Variants in DPH7 observed in about 807,000 individuals in gnomAD.
DPH7 encodes diphthamide biosynthesis 7.
A neutral mutation model predicts 41.7 loss-of-function variants in DPH7; 44 were observed. The observed-to-expected ratio is 1.05, with a 90% CI of 0.83 to 1.36. The LOEUF is 1.36. Ranked by LOEUF, DPH7 falls within the 40% of genes most tolerant of loss-of-function variation. DPH7 has a pLI of 0.00. For missense variants in DPH7, 629 were observed against 577.5 expected (o/e 1.09, Z -0.91); for synonymous variants, 275 against 238.0 (o/e 1.16, Z -1.43).
At chr9:137,574,647 G>T (rs112888764) in intron 4 of DPH7, 105 bp downstream of exon 4, 1 of 1,110,540 alleles carries the variant, frequency 9.0e-7, no homozygotes, top group Non-Finnish European at 1.3e-6. Context: ...CAGGGCTGAG[G>T]AGCACAGTCG....
rs527309917 is a variant in DPH7 at position 137,568,747 on chromosome 9, T to C, written c.641-3593A>G. ...AGACGGACGGGAACAGAAAGAAGCCTGCAGGAACAGAAGGGAGGAAATGGA... is the reference window on the plus strand; with the variant it reads ...AGACGGACGGGAACAGAAAGAAGCCCGCAGGAACAGAAGGGAGGAAATGGA... On this transcript the variant is annotated intron_variant, in intron 5 of 8. Transcript: ENST00000277540. Among the ~76,000 whole-genome samples, 6 of 152,238 alleles carry C rather than the reference T, an allele frequency of 3.9e-5. No individual in the cohort carries two copies. The South Asian group carries it at 1.0e-3, about 26-fold the overall frequency.
Position 137,574,376 on chromosome 9 carries a change from C to T in DPH7, c.472G>A (p.Gly158Arg), listed in dbSNP as rs821314. 5.1e-3 allele frequency: 8,293 copies of T among 1,612,696 alleles called. 359 individuals are homozygous for T. The African/African-American group carries it at 0.095, about 18-fold the overall frequency. ...CTGATGATCTTCAAGGGCTGGTCCC[C>T]GGCCCTAGACACAGGGAACCCATGA... ...DWSTGKTGRA[G>R]DQPLKIISSD... Residue 158 changes from glycine to arginine, a missense_variant, in exon 5 of 9, where the codon GGG becomes AGG. By Grantham distance (125) the Gly-to-Arg change is moderately radical. Transcript: ENST00000277540.
chr9:137,574,921 G>A, intron 3 of DPH7, 78 bp from the exon 4 acceptor site: 1 of 1,591,468 alleles, frequency 6.3e-7, no homozygotes, highest in East Asian at 2.2e-5. Flanking sequence ...CTCCTGCAGG[G>A]AAGTCATCGT....
intron 3 of DPH7, chr9:137,575,639 T>C (rs1841253267): frequency 4.9e-6 from 5 of 1,012,210 alleles, no homozygotes; most frequent in South Asian, 4.1e-5. Context: ...AGCTATCAGA[T>C]GAAGTCACTT....
rs1212762973 is a variant in DPH7 at position 137,564,357 on chromosome 9, G to C, written c.949+77C>G. ...CAGAGCAAGGGAGCAGGGAGCTGAG[G>C]GAAGAGCCCAGCAGAGCGAGGGGGC... On this transcript the variant is annotated intron_variant, in intron 8 of 8. Transcript: ENST00000277540. 14 of 1,521,668 alleles carry C rather than the reference G, an allele frequency of 9.2e-6. No homozygotes were observed. In the Middle Eastern group the frequency reaches 7.1e-4, roughly 77 times the overall value. The allele number at this position is 1,521,668 out of a possible 1,614,324, so 94.3% of individuals were successfully genotyped here. A position where few individuals can be genotyped will look rare whatever the true frequency, so the allele number is the denominator to read the frequency against.
intron 8 of DPH7, among the ~76,000 whole-genome samples, chr9:137,562,317 CAG>C (rs1172539749): frequency 1.3e-5 from 2 of 152,192 alleles, no homozygotes; most frequent in African/African-American, 4.8e-5. Context: ...CACTCCCCAG[CAG>C]AGACCACACT....
chr9:137,578,704 T>C lies in DPH7; in HGVS notation c.74A>G (p.Gln25Arg), dbSNP rs1246935360. Residue 25 changes from glutamine to arginine, a missense_variant, in exon 1 of 9, where the codon CAA becomes CGA. Gln to Arg is a conservative substitution (Grantham distance 43, BLOSUM62 1). Coordinates refer to ENST00000277540, the MANE Select transcript of DPH7 (RefSeq NM_138778.5). ...GCACGCCAGCAGGTGCCTGCAGCCT[T>C]GCAGCGGGCACCACTCCACCGAGTC... ...TADSVEWCPL[Q>R]GCRHLLACGT... 1.6e-5 allele frequency: 25 copies of C among 1,532,322 alleles called. No individual in the cohort carries two copies. Among genetic ancestry groups the C allele is most frequent in the Non-Finnish European group, 2.0e-5 (23 of 1,140,758 alleles). The allele number at this position is 1,532,322 out of a possible 1,614,324, so 94.9% of individuals were successfully genotyped here.
chr9:137,559,552 C>G (rs747660395), intron 8 of DPH7, among the ~76,000 whole-genome samples: 5 of 152,238 alleles, frequency 3.3e-5, no homozygotes, highest in Non-Finnish European at 7.4e-5. Flanking sequence ...GGTCACGCTC[C>G]TTGTCCGCCT....
Position 137,564,917 on chromosome 9 carries a change from C to A in DPH7, c.752G>T (p.Arg251Leu). Reference sequence around the variant, plus strand: ...CCTTCCCGTGGCCAGGATGTGCTCCCGATGAGGGCTGCTCTGGATGCTGCA... The same window carrying A: ...CCTTCCCGTGGCCAGGATGTGCTCCAGATGAGGGCTGCTCTGGATGCTGCA... ...GVCSIQSSPH[R>L]EHILATGSYD... Residue 251 changes from arginine to leucine, a missense_variant, in exon 7 of 9, where the codon CGG (arginine) becomes CTG (leucine). Coordinates refer to ENST00000277540, the MANE Select transcript of DPH7 (RefSeq NM_138778.5). 1 of 1,596,668 alleles carries A rather than the reference C, an allele frequency of 6.3e-7. No individual in the cohort carries two copies. Among genetic ancestry groups the A allele is most frequent in the East Asian group, 2.3e-5 (1 of 43,880 alleles).
At chr9:137,557,828 CATAA>C (rs891219098) in intron 8 of DPH7, among the ~76,000 whole-genome samples, 6 of 147,976 alleles carry the variant, frequency 4.1e-5, no homozygotes, top group South Asian at 2.2e-4. Flanking sequence ...CAAAAAAATA[CATAA>C]ATAAAGTTAT....
At chr9:137,577,281 CG>C (rs1303397898) in intron 2 of DPH7, among the ~76,000 whole-genome samples, 188 bp downstream of exon 2, 1 of 152,128 alleles carries the variant, frequency 6.6e-6, no homozygotes, top group Non-Finnish European at 1.5e-5. Context: ...ATCACTTCCC[CG>C]GCTGGAACAT....
rs772885737 is a variant in DPH7 at position 137,555,575 on chromosome 9, G to A, written c.1023C>T (p.Ser341=). 2.5e-6 allele frequency: 4 copies of A among 1,613,786 alleles called. No individual in the cohort carries two copies. The highest frequency in any genetic ancestry group is 3.4e-6 in the Non-Finnish European group (4 of 1,179,940). Residue 341 remains serine, a synonymous_variant, in exon 9 of 9, where the codon TCC becomes TCT. Coordinates refer to ENST00000277540, the MANE Select transcript of DPH7 (RefSeq NM_138778.5). ...PDSLVYGADW[S]WLLFRSLQRA... ...GCTGCAGAGAACGGAAGAGCAGCCA[G>A]GACCAGTCGGCTCCATACACCAGCG...
chr9:137,577,053 CA>C (rs71493678), intron 2 of DPH7, among the ~76,000 whole-genome samples: 102 of 139,078 alleles, frequency 7.3e-4, no homozygotes, highest in Non-Finnish European at 6.1e-4. Context: ...AACCCTGCCT[CA>C]AAAAAAAAAA....
At chr9:137,575,750 G>A (rs936951389) in intron 3 of DPH7, 110 of 1,106,310 alleles carry the variant, frequency 9.9e-5, no homozygotes, top group Non-Finnish European at 1.2e-4. Flanking sequence ...TCTTCACACA[G>A]GATGCTCACT....
chr9:137,571,522 G>C (rs777242742), intron 5 of DPH7, among the ~76,000 whole-genome samples: 16 of 152,058 alleles, frequency 1.1e-4, no homozygotes, highest in Non-Finnish European at 2.1e-4. Flanking sequence ...GAGTGCAGTG[G>C]CTGACGCCTA....
At chr9:137,557,584 C>T (rs1007858971) in intron 8 of DPH7, among the ~76,000 whole-genome samples, 14 of 151,598 alleles carry the variant, frequency 9.2e-5, no homozygotes, top group African/African-American at 2.4e-4. Context: ...TTTGGGAGGC[C>T]GAGGCAGGTG....
rs1333960431 is a variant in DPH7, at chr9:137,555,350, G to A, written c.1248C>T (p.Thr416=). The A allele has an allele frequency of 1.2e-5, 19 of 1,614,084 alleles. No homozygotes were observed. The highest frequency in any genetic ancestry group is 1.6e-5 in the Non-Finnish European group (19 of 1,180,022). The change falls in exon 9 of 9, where the codon ACC becomes ACT. Residue 416 remains threonine, a synonymous_variant. Transcript: ENST00000277540. ...NGTWLQATAA[T]TRDCGVNPEE... The stretch of plus-strand genomic sequence containing the variant: ...CTGGGTTCACGCCACAGTCACGTGT[G>A]GTGGCTGCTGTAGCCTGCAGCCAGG...
rs1224131789 is a variant in DPH7 at position 137,574,278 on chromosome 9, T to C, written c.570A>G (p.Ser190=). Residue 190 remains serine, a synonymous_variant, in exon 5 of 9, where the codon TCA becomes TCG. Coordinates refer to ENST00000277540, the MANE Select transcript of DPH7 (RefSeq NM_138778.5). ...AGGCCTCGAATTGATGTGCCTGCCA[T>C]GAGGCCACTTTCTGCAGCCTGGGCC... is the stretch of plus-strand genomic sequence containing the variant. ...ETRPRLQKVA[S]WQAHQFEAWI... 3.7e-6 allele frequency: 6 copies of C among 1,614,194 alleles called. No individual in the cohort carries two copies. Among genetic ancestry groups the C allele is most frequent in the Admixed American group, 3.3e-5 (2 of 60,030 alleles).
intron 8 of DPH7, 130 bp downstream of exon 8, chr9:137,564,304 G>A (rs1000003980): frequency 6.9e-6 from 8 of 1,157,720 alleles, no homozygotes; most frequent in Admixed American, 2.8e-5. Flanking sequence ...GACGCTGGGA[G>A]TGTGTAAAAG....
Sources: gnomAD v4.1 joint callset for allele counts (sites outside exome capture counted in the v4.1 genomes callset) on GRCh38, gnomAD v4.1.1 for gene constraint, MANE v1.5 for transcripts, NCBI Gene and HGNC (gene_info 2026-07-23, HGNC 2026-07-21) for gene names.